GRIK2: variants seen among roughly 807,000 people sequenced by gnomAD.
GRIK2 encodes the protein glutamate ionotropic receptor kainate type subunit 2.
In GRIK2, 32 loss-of-function variants were observed where a neutral mutation model predicts 100.3. The ratio of observed to expected loss-of-function variants is 0.32; its 90% confidence interval spans 0.24 to 0.43. GRIK2 has a LOEUF of 0.43. GRIK2 is among the 20% of genes least tolerant of loss of function. The pLI, the probability that GRIK2 is intolerant of heterozygous loss-of-function variation, is 1.00. For missense variants in GRIK2, 843 were observed against 1,114.9 expected (o/e 0.76, Z 3.47); for synonymous variants, 417 against 389.4 (o/e 1.07, Z -0.83).
At chr6:101,929,854 C>T (rs1790146581) in intron 14 of GRIK2, among the ~76,000 whole-genome samples, 1 of 152,018 alleles carries the variant, frequency 6.6e-6, no homozygotes, top group African/African-American at 2.4e-5. Context: ...ATATGGATTT[C>T]ACATTTACTT....
chr6:101,952,028 C>A (rs1235927197), intron 14 of GRIK2, among the ~76,000 whole-genome samples: 1 of 152,186 alleles, frequency 6.6e-6, no homozygotes, highest in Non-Finnish European at 1.5e-5. Context: ...ACAAACACAT[C>A]ATGTTTTCCT....
intron 2 of GRIK2, among the ~76,000 whole-genome samples, chr6:101,505,962 C>T (rs992664087): frequency 7.9e-5 from 12 of 151,972 alleles, no homozygotes; most frequent in Non-Finnish European, 1.3e-4. Flanking sequence ...TGTTAATAGG[C>T]ATAGATTAAC....
chr6:102,037,665 A>C (rs1770343732), intron 15 of GRIK2, among the ~76,000 whole-genome samples: 1 of 151,386 alleles, frequency 6.6e-6, no homozygotes, highest in African/African-American at 2.4e-5. Context: ...GTGTTTTCAC[A>C]ATTATATTGC....
chr6:101,867,393 T>C (rs902414239), intron 11 of GRIK2, among the ~76,000 whole-genome samples: 1 of 151,816 alleles, frequency 6.6e-6, no homozygotes, highest in Non-Finnish European at 1.5e-5. Flanking sequence ...TTTTAAACTT[T>C]TTTTCTCAAC....
intron 8 of GRIK2, among the ~76,000 whole-genome samples, chr6:101,800,802 A>C (rs2128413899): frequency 6.6e-6 from 1 of 152,186 alleles, no homozygotes; most frequent in Admixed American, 6.6e-5. Flanking sequence ...AGGTCTGGCG[A>C]GATGAAGAAT....
chr6:101,917,789 C>T (rs1428253292), intron 12 of GRIK2, among the ~76,000 whole-genome samples: 1 of 150,942 alleles, frequency 6.6e-6, no homozygotes, highest in Non-Finnish European at 1.5e-5. Flanking sequence ...TTTTAAATTA[C>T]TTTGGAAATT....
At chr6:101,581,396 G>C (rs764864511) in intron 2 of GRIK2, among the ~76,000 whole-genome samples, 1 of 151,980 alleles carries the variant, frequency 6.6e-6, no homozygotes, top group African/African-American at 2.4e-5. Context: ...AAGCTGAGGA[G>C]CAAGGAATCC....
At chr6:101,640,358 A>G (rs1279442986) in intron 4 of GRIK2, among the ~76,000 whole-genome samples, 14 of 152,178 alleles carry the variant, frequency 9.2e-5, no homozygotes, top group Admixed American at 9.2e-4. Flanking sequence ...GGATTGCTTT[A>G]GCTGATGAAA....
intron 9 of GRIK2, among the ~76,000 whole-genome samples, 176 bp from the exon 10 acceptor site, chr6:101,818,194 C>G (rs1254962808): frequency 6.6e-6 from 1 of 152,182 alleles, no homozygotes; most frequent in African/African-American, 2.4e-5. Flanking sequence ...TTACACTTCA[C>G]TGAACACACT....
At chr6:102,011,577 C>CTTTTTTTTTTTTTTTTTTTTTT (rs763369559) in intron 14 of GRIK2, among the ~76,000 whole-genome samples, 2 of 76,650 alleles carry the variant, frequency 2.6e-5, no homozygotes, top group East Asian at 3.7e-4. Flanking sequence ...CTTTCTTTTC[C>CTTTTTTTTTTTTTTTTTTTTTT]TTTTTTTTTT....
At chr6:101,589,395 C>T (rs547765548) in intron 2 of GRIK2, among the ~76,000 whole-genome samples, 21 of 152,178 alleles carry the variant, frequency 1.4e-4, no homozygotes, top group African/African-American at 5.1e-4. Context: ...ATCTCTTGAA[C>T]TTTTTCCACC....
intron 2 of GRIK2, among the ~76,000 whole-genome samples, chr6:101,425,951 C>T (rs910818999): frequency 3.9e-5 from 6 of 152,262 alleles, no homozygotes; most frequent in South Asian, 4.1e-4. Context: ...AGTTTTTCCT[C>T]GTGAATTTCC....
intron 14 of GRIK2, among the ~76,000 whole-genome samples, chr6:102,022,847 T>C (rs1002630019): frequency 3.3e-5 from 5 of 151,766 alleles, no homozygotes; most frequent in African/African-American, 1.2e-4. Context: ...ATTTTCTTTT[T>C]TAATCTTTAG....
rs112113872 is a variant in GRIK2, at chr6:101,527,744, A to T, written c.116-94205A>T. Among the ~76,000 whole-genome samples, 68 of 152,202 alleles carry T rather than the reference A, an allele frequency of 4.5e-4. 1 individual carries two copies. The highest frequency in any genetic ancestry group is 1.5e-3 in the African/African-American group (62 of 41,448). On this transcript the variant is annotated intron_variant, in intron 2 of 16. Transcript: ENST00000369134. ...TTCAAGGGCTATACTTTAGAGGTAC[A>T]GTCTAGTATGCACAACCCAGTAGAA...
chr6:101,525,041 C>T (rs377145961), intron 2 of GRIK2, among the ~76,000 whole-genome samples: 3 of 151,996 alleles, frequency 2.0e-5, no homozygotes, highest in Non-Finnish European at 2.9e-5. Flanking sequence ...CCCCCACTTG[C>T]GTGTTCTTGA....
chr6:101,548,866 T>C (rs1237159669), intron 2 of GRIK2, among the ~76,000 whole-genome samples: 2 of 152,220 alleles, frequency 1.3e-5, no homozygotes, highest in African/African-American at 4.8e-5. Context: ...TGTAGAAGTA[T>C]ATTCTCTCCT....
chr6:101,449,046 T>C (rs1770528250), intron 2 of GRIK2, among the ~76,000 whole-genome samples: 1 of 151,580 alleles, frequency 6.6e-6, no homozygotes, highest in African/African-American at 2.4e-5. Context: ...AGTTTTCTTA[T>C]GAGTTTATGA....
chr6:101,759,676 C>A (rs1777360329), intron 7 of GRIK2, among the ~76,000 whole-genome samples: 1 of 151,624 alleles, frequency 6.6e-6, no homozygotes. Context: ...TATTAACCAG[C>A]CAACATTTAA....
intron 2 of GRIK2, among the ~76,000 whole-genome samples, chr6:101,554,792 G>GA (rs1776662392): frequency 6.6e-6 from 1 of 152,030 alleles, no homozygotes; most frequent in African/African-American, 2.4e-5. Context: ...CAGGCTTGCT[G>GA]AAAAAAATTG....
Sources: allele counts gnomAD v4.1 joint callset (sites outside exome capture counted in the v4.1 genomes callset), GRCh38; gene constraint gnomAD v4.1.1; transcripts MANE v1.5; gene names NCBI Gene and HGNC (gene_info 2026-07-23, HGNC 2026-07-21).